Variants in XIAP observed in about 807,000 individuals in gnomAD.
XIAP encodes the protein E3 ubiquitin-protein ligase XIAP.
A neutral mutation model predicts 33.1 loss-of-function variants in XIAP; 3 were observed. That is an observed-to-expected ratio of 0.09 (90% CI 0.04 to 0.23). The LOEUF (loss-of-function observed/expected upper bound fraction) is 0.23, where lower values mean the gene tolerates loss of function less well. Among genes scored for constraint, XIAP ranks in the 10% least tolerant of loss-of-function variants. XIAP has a pLI of 1.00. For missense variants in XIAP, 264 were observed against 363.0 expected (o/e 0.73, Z 2.22); for synonymous variants, 98 against 121.3 (o/e 0.81, Z 1.26).
At position 123,862,090 on chromosome X, in the gene XIAP, T is replaced by G. The variant is rs889330842; in HGVS notation, c.-33+1797T>G. Among the ~76,000 whole-genome samples, 6 of 110,753 alleles carry G rather than the reference T, an allele frequency of 5.4e-5. No individual in the cohort carries two copies. In the East Asian group the frequency reaches 8.4e-4, roughly 16 times the overall value. On this transcript the variant is annotated intron_variant, in intron 1 of 6. Transcript: ENST00000371199. ...TTTATCAATTAATTAATTAATTTTT[T>G]TTTTTGAGACGGAGTCTTACTCTGT... is the stretch of plus-strand genomic sequence containing the variant.
chrX:123,891,057 A>T (rs754302897), intron 3 of XIAP, among the ~76,000 whole-genome samples, 181 bp from the exon 4 acceptor site: 1 of 111,948 alleles, frequency 8.9e-6, no homozygotes, highest in East Asian at 2.8e-4. Flanking sequence ...AACAGAGGGA[A>T]CTTTTTTAAC....
intron 1 of XIAP, among the ~76,000 whole-genome samples, chrX:123,884,930 A>G (rs1478923565): frequency 1.1e-5 from 1 of 88,503 alleles, no homozygotes; most frequent in African/African-American, 4.3e-5. Flanking sequence ...TGCAGGGCAC[A>G]TGTATGTCAT....
chrX:123,865,382 C>T (rs1024607926), intron 1 of XIAP, among the ~76,000 whole-genome samples: 1 of 110,853 alleles, frequency 9.0e-6, no homozygotes, highest in Non-Finnish European at 1.9e-5. Flanking sequence ...TCTTTCTTTA[C>T]ATGTTCACAT....
At chrX:123,867,936 A>G (rs2053159129) in intron 1 of XIAP, among the ~76,000 whole-genome samples, 1 of 111,411 alleles carries the variant, frequency 9.0e-6, no homozygotes, top group African/African-American at 3.3e-5. Context: ...TTGGCCTCCC[A>G]AAGTCCTGGG....
At chrX:123,872,103 GTAA>G (rs758119638) in intron 1 of XIAP, among the ~76,000 whole-genome samples, 12 of 110,213 alleles carry the variant, frequency 1.1e-4, no homozygotes, top group Non-Finnish European at 1.9e-4. Context: ...CCATCTCATA[GTAA>G]TAATAATAAT....
Position 123,889,997 on chromosome X carries a change from A to ATTTTTTT in XIAP, c.978-1210_978-1204dup, listed in dbSNP as rs771503633. 4.2e-4 allele frequency among the ~76,000 whole-genome samples: 14 copies of ATTTTTTT among 33,072 alleles called. 2 individuals are homozygous for ATTTTTTT. The highest frequency in any genetic ancestry group is 2.1e-3 in the East Asian group (2 of 973). 28.7% of individuals were successfully genotyped at this position (33,072 alleles called of 115,157 possible). On this transcript the variant is annotated intron_variant, in intron 3 of 6. Coordinates refer to ENST00000371199, the MANE Select transcript of XIAP (RefSeq NM_001167.4). ...ATCTCTATGACATACAGTTGTTCACATTTTTTTTTTTTTTTTTTTTTTTTT... is the reference window on the plus strand; with the variant it reads ...ATCTCTATGACATACAGTTGTTCACATTTTTTTTTTTTTTTTTTTTTTTTTTTTTTTT...
intron 3 of XIAP, among the ~76,000 whole-genome samples, chrX:123,890,258 C>T (rs1374485312): frequency 8.7e-5 from 9 of 103,299 alleles, no homozygotes; most frequent in Admixed American, 6.3e-4. Context: ...CCTCGTGATC[C>T]GCCCGCCTCG....
intron 3 of XIAP, among the ~76,000 whole-genome samples, chrX:123,890,238 G>C (rs1359995857): frequency 6.8e-5 from 7 of 102,513 alleles, no homozygotes; most frequent in African/African-American, 2.5e-4. Context: ...GGATGGTCTC[G>C]ATCTCCTGAC....
rs2053573486 is a variant in XIAP, at chrX:123,908,743, T to C, written c.*1562T>C. Reference sequence around the variant, plus strand: ...ATTGGCAAGAAAAGAAGAATAGTTGTTTAAATATTTTTTAAAAAACACTTG... The same window carrying C: ...ATTGGCAAGAAAAGAAGAATAGTTGCTTAAATATTTTTTAAAAAACACTTG... On this transcript the variant is annotated 3_prime_UTR_variant, in exon 7 of 7. Coordinates refer to ENST00000371199, the MANE Select transcript of XIAP (RefSeq NM_001167.4). 2 of 347,277 alleles carry C rather than the reference T, an allele frequency of 5.8e-6. No individual in the cohort carries two copies. The highest frequency in any genetic ancestry group is 1.1e-5 in the Non-Finnish European group (2 of 182,739). 28.6% of individuals were successfully genotyped at this position (347,277 alleles called of 1,213,427 possible).
chrX:123,910,521 G>C lies in XIAP; in HGVS notation c.*3340G>C. 3.0e-6 allele frequency: 1 copy of C among 329,328 alleles called. No homozygotes were observed. Among genetic ancestry groups the C allele is most frequent in the Non-Finnish European group, 5.9e-6 (1 of 169,965 alleles). 27.1% of individuals were successfully genotyped at this position (329,328 alleles called of 1,213,427 possible). A position where few individuals can be genotyped will look rare whatever the true frequency, so the allele number is the denominator to read the frequency against. On this transcript the variant is annotated 3_prime_UTR_variant, in exon 7 of 7. Transcript: ENST00000371199. ...AGGTGTTGAATGGGGAAAGGGGCTA[G>C]TATATCAGTAGGATATACTATGGGA... is the stretch of plus-strand genomic sequence containing the variant.
intron 1 of XIAP, chrX:123,872,531 A>G (rs1236722234): frequency 9.1e-6 from 1 of 110,339 alleles, no homozygotes; most frequent in Non-Finnish European, 1.9e-5. Context: ...TCTACTAAAA[A>G]TACAAAAATT....
At chrX:123,869,506 AGAGT>A (rs2053174900) in intron 1 of XIAP, among the ~76,000 whole-genome samples, 1 of 105,881 alleles carries the variant, frequency 9.4e-6, no homozygotes, top group Non-Finnish European at 1.9e-5. Context: ...CCTGGATGAC[AGAGT>A]GAGACTCCAT....
In XIAP at chrX:123,910,881, A is replaced by G. The variant is rs972030453; in HGVS notation, c.*3700A>G. On this transcript the variant is annotated 3_prime_UTR_variant, in exon 7 of 7. Coordinates refer to ENST00000371199, the MANE Select transcript of XIAP (RefSeq NM_001167.4). The stretch of plus-strand genomic sequence containing the variant: ...AGACTCTGTCTCAAAAAAAAAAAAA[A>G]AAGAAATAAGAAAATGGGAAGCAAT... 6.4e-6 allele frequency: 2 copies of G among 311,417 alleles called. No individual in the cohort carries two copies. Among genetic ancestry groups the G allele is most frequent in the African/African-American group, 5.6e-5 (2 of 35,975 alleles). 25.7% of individuals were successfully genotyped at this position (311,417 alleles called of 1,213,427 possible).
chrX:123,877,929 G>C (rs2053261692), intron 1 of XIAP, among the ~76,000 whole-genome samples: 1 of 106,920 alleles, frequency 9.4e-6, no homozygotes, highest in Non-Finnish European at 1.9e-5. Flanking sequence ...AGCCGAGATC[G>C]CGCCACTGCA....
chrX:123,871,901 G>A (rs2053197248), intron 1 of XIAP, among the ~76,000 whole-genome samples: 1 of 109,922 alleles, frequency 9.1e-6, no homozygotes, highest in Non-Finnish European at 1.9e-5. Context: ...AGGAGATCGA[G>A]ACCATCTTGG....
At chrX:123,893,436 T>C (rs767153317) in intron 5 of XIAP, among the ~76,000 whole-genome samples, 60 of 109,832 alleles carry the variant, frequency 5.5e-4, no homozygotes, top group African/African-American at 1.9e-3. Context: ...GGCAGGAGAA[T>C]TGCCTGGCCT....
At chrX:123,891,823 T>TAAAA (rs11325824) in intron 4 of XIAP, among the ~76,000 whole-genome samples, 2 of 76,494 alleles carry the variant, frequency 2.6e-5, no homozygotes, top group Non-Finnish European at 4.8e-5. Flanking sequence ...CCCTATCTCT[T>TAAAA]AAAAAAAAAA....
chrX:123,861,199 T>G (rs1381708670), intron 1 of XIAP, among the ~76,000 whole-genome samples: 2 of 111,870 alleles, frequency 1.8e-5, no homozygotes, highest in Non-Finnish European at 3.8e-5. Flanking sequence ...TAGGAAGATT[T>G]CATAGCTTGC....
At chrX:123,864,455 G>GTTTTTT (rs1162636021) in intron 1 of XIAP, among the ~76,000 whole-genome samples, 1 of 49,589 alleles carries the variant, frequency 2.0e-5, no homozygotes, top group Non-Finnish European at 3.4e-5. Context: ...CCTTTCTTCT[G>GTTTTTT]TTTTTTTTTT....
Sources: allele counts gnomAD v4.1 joint callset (sites outside exome capture counted in the v4.1 genomes callset), GRCh38; gene constraint gnomAD v4.1.1; transcripts MANE v1.5; gene names NCBI Gene and HGNC (gene_info 2026-07-23, HGNC 2026-07-21).